GLIPR1L2: variants seen among roughly 807,000 people sequenced by gnomAD.
The protein encoded by GLIPR1L2 is GLIPR1 like 2.
GLIPR1L2 carries 21 observed loss-of-function variants against 28.4 expected under a neutral mutation model. That is an observed-to-expected ratio of 0.74 (90% CI 0.52 to 1.06). The LOEUF is 1.06. Ranked by LOEUF, GLIPR1L2 falls within the 50% of genes least tolerant of loss-of-function variation. The pLI, the probability that GLIPR1L2 is intolerant of heterozygous loss-of-function variation, is 0.00. For missense variants in GLIPR1L2, 476 were observed against 416.9 expected, an observed-to-expected ratio of 1.14 and a Z score of -1.23; for synonymous variants, 145 against 139.3, an observed-to-expected ratio of 1.04 and a Z score of -0.29.
intron 1 of GLIPR1L2, among the ~76,000 whole-genome samples, chr12:75,401,177 A>G (rs1358199887): frequency 6.6e-6 from 1 of 151,744 alleles, no homozygotes; most frequent in Non-Finnish European, 1.5e-5. Flanking sequence ...ATAAAATAAT[A>G]TTTTAAAATA....
At chr12:75,421,605 T>C (rs961850003) in intron 3 of GLIPR1L2, among the ~76,000 whole-genome samples, 6 of 152,200 alleles carry the variant, frequency 3.9e-5, no homozygotes, top group Non-Finnish European at 7.3e-5. Context: ...AATGTATCTT[T>C]TCCCTACTTG....
intron 1 of GLIPR1L2, among the ~76,000 whole-genome samples, chr12:75,396,823 T>C (rs2045685978): frequency 6.6e-6 from 1 of 152,244 alleles, no homozygotes. Flanking sequence ...TGAGATCCAC[T>C]AGTCTTTTGG....
At chr12:75,398,311 A>G (rs2045702840) in intron 1 of GLIPR1L2, among the ~76,000 whole-genome samples, 3 of 135,996 alleles carry the variant, frequency 2.2e-5, no homozygotes. Flanking sequence ...CCTGGGCGAT[A>G]GAATGAGACT....
At chr12:75,406,269 A>T (rs1463983211) in intron 1 of GLIPR1L2, among the ~76,000 whole-genome samples, 1 of 152,104 alleles carries the variant, frequency 6.6e-6, no homozygotes, top group Non-Finnish European at 1.5e-5. Context: ...ACTGTTCAAA[A>T]CTTTCGAAAT....
chr12:75,424,612 A>AT (rs1036211394), intron 4 of GLIPR1L2, among the ~76,000 whole-genome samples: 21 of 73,448 alleles, frequency 2.9e-4, no homozygotes, highest in East Asian at 1.3e-3. Context: ...TGCCCAGCTA[A>AT]TTTTTTTTTT....
chr12:75,393,884 C>T (rs1220773811), intron 1 of GLIPR1L2, among the ~76,000 whole-genome samples: 1 of 151,874 alleles, frequency 6.6e-6, no homozygotes, highest in East Asian at 1.9e-4. Flanking sequence ...TCAATTTCTC[C>T]ACATCCTTGA....
chr12:75,421,769 C>A (rs2045978191), intron 3 of GLIPR1L2, among the ~76,000 whole-genome samples: 1 of 152,032 alleles, frequency 6.6e-6, no homozygotes, highest in African/African-American at 2.4e-5. Context: ...TTTGTAAACT[C>A]CCATTTATAT....
intron 4 of GLIPR1L2, among the ~76,000 whole-genome samples, chr12:75,425,738 C>A (rs932889649): frequency 6.6e-6 from 1 of 152,060 alleles, no homozygotes; most frequent in African/African-American, 2.4e-5. Context: ...GGCACCTATG[C>A]GTGCTAGGGG....
intron 1 of GLIPR1L2, among the ~76,000 whole-genome samples, chr12:75,401,998 T>C (rs1263549940): frequency 6.6e-6 from 1 of 151,692 alleles, no homozygotes; most frequent in African/African-American, 2.4e-5. Context: ...TTGCAAGAAC[T>C]GGAAAAAAAA....
At chr12:75,406,772 AAAG>A (rs2045805562) in intron 1 of GLIPR1L2, among the ~76,000 whole-genome samples, 3 of 141,220 alleles carry the variant, frequency 2.1e-5, no homozygotes, top group South Asian at 2.3e-4. Context: ...AAAAAAAAAA[AAAG>A]AGAGAGAGAG....
intron 1 of GLIPR1L2, 118 bp downstream of exon 1, chr12:75,391,468 T>C: frequency 6.4e-7 from 1 of 1,563,970 alleles, no homozygotes; most frequent in East Asian, 2.4e-5. Flanking sequence ...ACCGCACTTT[T>C]AGCTTGGTTT....
intron 3 of GLIPR1L2, among the ~76,000 whole-genome samples, chr12:75,416,095 GGAGCTAAT>G (rs997243587): frequency 6.6e-6 from 1 of 152,032 alleles, no homozygotes; most frequent in African/African-American, 2.4e-5. Flanking sequence ...TTATGAAGGT[GGAGCTAAT>G]AATACAAGCC....
At chr12:75,395,540 T>G (rs1036993003) in intron 1 of GLIPR1L2, among the ~76,000 whole-genome samples, 1 of 151,916 alleles carries the variant, frequency 6.6e-6, no homozygotes, top group Non-Finnish European at 1.5e-5. Flanking sequence ...AATATATGTC[T>G]TGAACTCCTA....
At chr12:75,416,827 G>A (rs1425488429) in intron 3 of GLIPR1L2, among the ~76,000 whole-genome samples, 2 of 151,930 alleles carry the variant, frequency 1.3e-5, no homozygotes, top group Non-Finnish European at 2.9e-5. Context: ...ACAAATATTG[G>A]CAAGTCTACC....
In GLIPR1L2 at chr12:75,417,735, T is replaced by C. The variant is rs571526762; in HGVS notation, c.584+4034T>C. Among the ~76,000 whole-genome samples, 11 of 152,258 alleles carry C rather than the reference T, an allele frequency of 7.2e-5. No homozygotes were observed. In the East Asian group the frequency reaches 1.9e-3, roughly 27 times the overall value. On this transcript the variant is annotated intron_variant, in intron 3 of 5. Coordinates refer to ENST00000550916, the MANE Select transcript of GLIPR1L2 (RefSeq NM_001270396.2). The stretch of plus-strand genomic sequence containing the variant: ...AATGTTCCTAATCTACAAAGATATC[T>C]GTATAAAGATTAGAATACTTTATAA...
rs34354324 is a variant in GLIPR1L2 at position 75,429,938 on chromosome 12, C to CTTTTT, written c.671-765_671-761dup. ...CCTTTTCTTTTCTTTTCTTTTCTTT[C>CTTTTT]TTTTTTTTTTTTTTTTGAGACAGAG... On this transcript the variant is annotated intron_variant, in intron 4 of 5. Coordinates refer to ENST00000550916, the MANE Select transcript of GLIPR1L2 (RefSeq NM_001270396.2). Among the ~76,000 whole-genome samples the CTTTTT allele has an allele frequency of 2.0e-3, 257 of 128,622 alleles. 13 individuals are homozygous for CTTTTT. Among genetic ancestry groups the CTTTTT allele is most frequent in the African/African-American group, 2.5e-3 (82 of 32,404 alleles). The allele number at this position is 128,622 out of a possible 152,430, so 84.4% of individuals were successfully genotyped here. A position where few individuals can be genotyped will look rare whatever the true frequency, so the allele number is the denominator to read the frequency against.
chr12:75,415,016 A>C (rs1239541634), intron 3 of GLIPR1L2, among the ~76,000 whole-genome samples: 2 of 152,128 alleles, frequency 1.3e-5, no homozygotes, highest in African/African-American at 4.8e-5. Flanking sequence ...TAGGGTAGTC[A>C]TAGAAGAAGG....
At chr12:75,424,745 A>G (rs1413703079) in intron 4 of GLIPR1L2, among the ~76,000 whole-genome samples, 1 of 152,176 alleles carries the variant, frequency 6.6e-6, no homozygotes, top group Non-Finnish European at 1.5e-5. Flanking sequence ...GAAAAAACAG[A>G]AACAAAAACT....
chr12:75,406,760 A>AG (rs2045805078), intron 1 of GLIPR1L2, among the ~76,000 whole-genome samples: 1 of 137,896 alleles, frequency 7.3e-6, no homozygotes, highest in Non-Finnish European at 1.6e-5. Flanking sequence ...CCTATCTCAA[A>AG]AAAAAAAAAA....
Sources: allele counts gnomAD v4.1 joint callset (sites outside exome capture counted in the v4.1 genomes callset), GRCh38; gene constraint gnomAD v4.1.1; transcripts MANE v1.5; gene names NCBI Gene and HGNC (gene_info 2026-07-23, HGNC 2026-07-21).